Variants in RBM39 observed in about 807,000 individuals in gnomAD.
RBM39 encodes RNA-binding protein 39.
A neutral mutation model predicts 79.6 loss-of-function variants in RBM39; 12 were observed. The ratio of observed to expected loss-of-function variants is 0.15; its 90% CI spans 0.10 to 0.24. The LOEUF is 0.24. Among genes scored for constraint, RBM39 ranks in the 10% least tolerant of loss-of-function variants. The pLI, the probability that RBM39 is intolerant of heterozygous loss-of-function variation, is 1.00. For missense variants in RBM39, 243 were observed against 653.4 expected (o/e 0.37, Z 6.85); for synonymous variants, 185 against 208.4 (o/e 0.89, Z 0.97).
intron 10 of RBM39, among the ~76,000 whole-genome samples, chr20:35,714,598 A>G (rs1460423565): frequency 6.6e-6 from 1 of 152,238 alleles, no homozygotes; most frequent in Non-Finnish European, 1.5e-5. Context: ...TAGTTTAAAT[A>G]AAAGATATTA....
At chr20:35,721,066 G>A (rs1441998244) in intron 9 of RBM39, among the ~76,000 whole-genome samples, 1 of 151,914 alleles carries the variant, frequency 6.6e-6, no homozygotes, top group Non-Finnish European at 1.5e-5. Context: ...TCGGCCTCCC[G>A]AGTAGCTGGG....
At chr20:35,736,374 A>G (rs1394230225) in intron 3 of RBM39, 1 of 294,634 alleles carries the variant, frequency 3.4e-6, no homozygotes, top group Non-Finnish European at 7.0e-6. Flanking sequence ...AAAGGAGCAC[A>G]TTTTCTACAA....
chr20:35,740,639 G>A, intron 2 of RBM39, 185 bp downstream of exon 2: 1 of 1,384,646 alleles, frequency 7.2e-7, no homozygotes, highest in Non-Finnish European at 1.0e-6. Context: ...TCACGCTGAA[G>A]TGAAACTACT....
chr20:35,737,817 C>T (rs1289949525), intron 3 of RBM39, among the ~76,000 whole-genome samples: 6 of 138,874 alleles, frequency 4.3e-5, no homozygotes, highest in Non-Finnish European at 9.2e-5. Flanking sequence ...CCACTGCACT[C>T]CAGCCTGGGC....
intron 4 of RBM39, 127 bp downstream of exon 4, chr20:35,731,814 T>C: frequency 1.1e-6 from 1 of 928,134 alleles, no homozygotes; most frequent in Non-Finnish European, 1.7e-6. Context: ...CCAATATCCT[T>C]AATTCAATAC....
intron 9 of RBM39, among the ~76,000 whole-genome samples, chr20:35,718,805 C>A (rs2037505462): frequency 7.7e-6 from 1 of 129,552 alleles, no homozygotes. Context: ...AAGAGCAATA[C>A]TCCATCTCAA....
chr20:35,740,571 G>T, intron 2 of RBM39: 1 of 1,433,380 alleles, frequency 7.0e-7, no homozygotes, highest in Non-Finnish European at 9.3e-7. Context: ...ATTCATGGGA[G>T]TAGAGGTGAG....
intron 9 of RBM39, among the ~76,000 whole-genome samples, chr20:35,717,506 G>A (rs138713841): frequency 6.6e-6 from 1 of 152,234 alleles, no homozygotes; most frequent in East Asian, 1.9e-4. Flanking sequence ...ACACCAAGCA[G>A]TAATTTCCAA....
chr20:35,721,946 CA>C, intron 8 of RBM39, 69 bp from the exon 9 acceptor site: 1 of 1,509,306 alleles, frequency 6.6e-7, no homozygotes, highest in Non-Finnish European at 9.1e-7. Context: ...CTTCCATTTG[CA>C]TAACAACTAA....
chr20:35,733,872 A>G (rs2425113), intron 3 of RBM39, among the ~76,000 whole-genome samples: 4,748 of 152,300 alleles, frequency 0.031, 244 homozygotes, highest in African/African-American at 0.11. Context: ...TAGTCTTCAC[A>G]GTATACCACC....
intron 12 of RBM39, 51 bp downstream of exon 12, chr20:35,712,968 T>A (rs1315199264): frequency 1.3e-6 from 2 of 1,519,088 alleles, no homozygotes; most frequent in Non-Finnish European, 1.8e-6. Context: ...TTGGAAAATT[T>A]TCGAATTAGA....
rs1221404079 is a variant in RBM39, at chr20:35,704,135, TA to T, written c.*345del. The T allele has an allele frequency of 5.8e-6, 1 of 171,644 alleles. No individual in the cohort carries two copies. The highest frequency in any genetic ancestry group is 1.3e-5 in the Non-Finnish European group (1 of 78,492). The allele number at this position is 171,644 out of a possible 1,614,324, so 10.6% of individuals were successfully genotyped here. A position where few individuals can be genotyped will look rare whatever the true frequency, so the allele number is the denominator to read the frequency against. Reference sequence around the variant, plus strand: ...TGAAATGTGAAATGTAACCACTGTGTAAAAAGTTAGGCTTCTGAAACATTAA... The same window carrying T: ...TGAAATGTGAAATGTAACCACTGTGTAAAAGTTAGGCTTCTGAAACATTAA... On this transcript the variant is annotated 3_prime_UTR_variant, in exon 17 of 17. Transcript: ENST00000253363.
intron 9 of RBM39, chr20:35,719,932 G>A (rs767279043): frequency 1.4e-4 from 30 of 216,058 alleles, no homozygotes; most frequent in Non-Finnish European, 2.6e-4. Flanking sequence ...AGAGGGATGC[G>A]CCACCACACC....
chr20:35,706,282 A>C (rs981770513), intron 14 of RBM39, among the ~76,000 whole-genome samples: 1 of 152,208 alleles, frequency 6.6e-6, no homozygotes, highest in African/African-American at 2.4e-5. Flanking sequence ...CAGTGAGCTA[A>C]GATAGAGCCG....
intron 3 of RBM39, chr20:35,736,563 G>A: frequency 2.1e-6 from 1 of 470,714 alleles, no homozygotes; most frequent in South Asian, 1.5e-5. Flanking sequence ...GAAGCATTTA[G>A]GGATCTTAGG....
In RBM39 at chr20:35,704,246, T is replaced by A. The variant is rs375506145; in HGVS notation, c.*235A>T. The A allele has an allele frequency of 6.0e-6, 2 of 335,774 alleles. No individual in the cohort carries two copies. Among genetic ancestry groups the A allele is most frequent in the Non-Finnish European group, 1.1e-5 (2 of 181,554 alleles). 20.8% of individuals were successfully genotyped at this position (335,774 alleles called of 1,614,324 possible). ...TCCTATAGTTCATTAATTTTCTACA[T>A]GAACATTTTAAAAGGCAGAACAAGA... On this transcript the variant is annotated 3_prime_UTR_variant, in exon 17 of 17. Coordinates refer to ENST00000253363, the MANE Select transcript of RBM39 (RefSeq NM_184234.3).
At chr20:35,728,089 C>T (rs2038959926) in intron 6 of RBM39, among the ~76,000 whole-genome samples, 1 of 152,156 alleles carries the variant, frequency 6.6e-6, no homozygotes, top group Admixed American at 6.5e-5. Flanking sequence ...GCCTGGCCTA[C>T]AATTCTTATT....
intron 4 of RBM39, among the ~76,000 whole-genome samples, chr20:35,730,253 C>A (rs1350321892): frequency 6.6e-6 from 1 of 152,148 alleles, no homozygotes; most frequent in Non-Finnish European, 1.5e-5. Context: ...GGTAATTATT[C>A]TGTAGTAACA....
At chr20:35,719,869 G>A (rs1297471175) in intron 9 of RBM39, among the ~76,000 whole-genome samples, 1 of 151,608 alleles carries the variant, frequency 6.6e-6, no homozygotes, top group Non-Finnish European at 1.5e-5. Context: ...TGCAATCTCT[G>A]CCACCCGGGT....
Sources: gnomAD v4.1 joint callset for allele counts (sites outside exome capture counted in the v4.1 genomes callset) on GRCh38, gnomAD v4.1.1 for gene constraint, MANE v1.5 for transcripts, NCBI Gene and HGNC (gene_info 2026-07-23, HGNC 2026-07-21) for gene names.